Variants in CCDC57 observed in about 807,000 individuals in gnomAD.
The protein encoded by CCDC57 is coiled-coil domain containing 57, also known as coiled-coil domain-containing protein 57.
A neutral mutation model predicts 118.9 loss-of-function variants in CCDC57; 118 were observed. The observed-to-expected ratio is 0.99, with a 90% CI of 0.86 to 1.16. The LOEUF (loss-of-function observed/expected upper bound fraction) is 1.16. Among genes scored for constraint, CCDC57 ranks in the 50% most tolerant of loss-of-function variants. The probability of loss-of-function intolerance (pLI) is 0.00; values close to 1 mark genes in which losing one functional copy is unlikely to be tolerated. For synonymous variants in CCDC57, 527 were observed against 532.9 expected (o/e 0.99, Z 0.15); for missense variants, 1,300 against 1,320.7 (o/e 0.98, Z 0.24).
chr17:82,151,771 GC>G lies in CCDC57; in HGVS notation c.2243del (p.Gly748AlafsTer39). ...CCTCCATAGGCCCTCTCTTGGTGAG[GC>G]CCTGTAACAAAACTCACAGGCAGAC... On this transcript the variant is annotated frameshift_variant and splice_region_variant, in exon 16 of 20. Transcript: ENST00000665763. LOFTEE classifies it high-confidence loss of function. 6.5e-7 allele frequency: 1 copy of G among 1,549,412 alleles called. No homozygotes were observed.
At chr17:82,200,803 A>G (rs901387704) in intron 3 of CCDC57, among the ~76,000 whole-genome samples, 4 of 152,178 alleles carry the variant, frequency 2.6e-5, no homozygotes, top group African/African-American at 9.7e-5. Flanking sequence ...TCAAAAAAAA[A>G]GAAAAGAAAA....
intron 19 of CCDC57, chr17:82,108,844 C>T (rs2035048157): frequency 6.6e-6 from 1 of 152,270 alleles, no homozygotes; most frequent in Non-Finnish European, 1.5e-5. Flanking sequence ...GCCTCGCTTT[C>T]TCCAGGGCAG....
chr17:82,152,557 A>G (rs1478258302), intron 15 of CCDC57, among the ~76,000 whole-genome samples: 2 of 152,262 alleles, frequency 1.3e-5, no homozygotes, highest in Non-Finnish European at 2.9e-5. Context: ...CCAGTGCTAC[A>G]GAGTGCAATC....
At chr17:82,140,211 G>A (rs1181956741) in intron 16 of CCDC57, among the ~76,000 whole-genome samples, 2 of 151,920 alleles carry the variant, frequency 1.3e-5, no homozygotes, top group Admixed American at 6.6e-5. Flanking sequence ...TCAGCCTCCC[G>A]AGTAGCTGGG....
At chr17:82,168,286 G>A (rs1002175706) in intron 13 of CCDC57, among the ~76,000 whole-genome samples, 2 of 152,188 alleles carry the variant, frequency 1.3e-5, no homozygotes, top group Admixed American at 1.3e-4. Context: ...CGCTCTCTCT[G>A]TGTGCTTTCA....
chr17:82,196,103 G>A (rs1407038825), intron 4 of CCDC57, among the ~76,000 whole-genome samples: 2 of 152,144 alleles, frequency 1.3e-5, no homozygotes, highest in African/African-American at 4.8e-5. Context: ...GAATGGCTGC[G>A]CCCTGCCAAC....
At chr17:82,105,549 A>C (rs978777842) in intron 19 of CCDC57, among the ~76,000 whole-genome samples, 1 of 151,758 alleles carries the variant, frequency 6.6e-6, no homozygotes, top group African/African-American at 2.4e-5. Flanking sequence ...GGCCACGCCC[A>C]CCCGTGTCTC....
rs747905466 is a variant in CCDC57, at chr17:82,193,850, T to C, written c.777-20A>G. The C allele has an allele frequency of 1.3e-6, 2 of 1,579,506 alleles. No homozygotes were observed. Reference sequence around the variant, plus strand: ...TTTACCCTGAAAAGAAACAAATATTTATGGAAGGAGCAAGTGAGATGAAAG... The same window carrying C: ...TTTACCCTGAAAAGAAACAAATATTCATGGAAGGAGCAAGTGAGATGAAAG... On this transcript the variant is annotated intron_variant, in intron 6 of 19. Transcript: ENST00000665763.
chr17:82,210,411 C>T (rs2050084858), intron 1 of CCDC57, among the ~76,000 whole-genome samples: 1 of 152,030 alleles, frequency 6.6e-6, no homozygotes, highest in African/African-American at 2.4e-5. Context: ...GTGGCTCAGG[C>T]CTGTAATCCC....
At chr17:82,209,751 T>A (rs1406802172) in intron 1 of CCDC57, among the ~76,000 whole-genome samples, 1 of 152,162 alleles carries the variant, frequency 6.6e-6, no homozygotes, top group East Asian at 1.9e-4. Context: ...CTTCCCAAAG[T>A]GGTGGGACTA....
intron 1 of CCDC57, among the ~76,000 whole-genome samples, chr17:82,211,065 C>G (rs984932026): frequency 4.0e-5 from 6 of 149,424 alleles, no homozygotes; most frequent in African/African-American, 1.5e-4. Context: ...TACATAGTGG[C>G]AAGATATTTC....
chr17:82,195,216 A>G (rs2048155472), intron 5 of CCDC57, 47 bp downstream of exon 4: 1 of 1,424,536 alleles, frequency 7.0e-7, no homozygotes, highest in Non-Finnish European at 9.7e-7. Context: ...ACACCTGACC[A>G]AGGAAAAACC....
chr17:82,148,206 GTAGA>G (rs1237003111), intron 16 of CCDC57, among the ~76,000 whole-genome samples: 2 of 87,388 alleles, frequency 2.3e-5, no homozygotes, highest in Non-Finnish European at 5.2e-5. Flanking sequence ...TGCGTGGATG[GTAGA>G]TGGATGGATG....
intron 17 of CCDC57, among the ~76,000 whole-genome samples, chr17:82,132,905 G>T (rs1426758510): frequency 1.3e-5 from 2 of 151,890 alleles, no homozygotes; most frequent in Non-Finnish European, 2.9e-5. Context: ...GATTACAGGC[G>T]AGTGCCACCA....
Position 82,126,512 on chromosome 17 carries a change from A to G in CCDC57, c.2899+1180T>C, listed in dbSNP as rs968343693. ...TAATACACAAATGGGCAGGTAACTG[A>G]AGAACAGGGAAAGGAAGTGGCTCCT... On this transcript the variant is annotated intron_variant, in intron 19 of 19. Coordinates refer to ENST00000665763, the Ensembl canonical transcript of CCDC57. The G allele has an allele frequency of 1.1e-4, 104 of 979,846 alleles. No homozygotes were observed. In the African/African-American group the frequency reaches 1.7e-3, roughly 16 times the overall value. The allele number at this position is 979,846 out of a possible 1,614,324, so 60.7% of individuals were successfully genotyped here.
rs559988060 is a variant in CCDC57, at chr17:82,177,625, G to A, written c.1506+849C>T. Among the ~76,000 whole-genome samples, 3 of 152,282 alleles carry A rather than the reference G, an allele frequency of 2.0e-5. No individual in the cohort carries two copies. In the South Asian group the frequency reaches 6.2e-4, roughly 32 times the overall value. On this transcript the variant is annotated intron_variant, in intron 11 of 19. Transcript: ENST00000665763. ...ATTCTTCATACCACTTAGGATCTGA[G>A]TCCTAAGTACACTCGGCTGCCTTAA...
intron 19 of CCDC57, among the ~76,000 whole-genome samples, chr17:82,103,041 C>T (rs1414351172): frequency 5.9e-5 from 9 of 152,248 alleles, no homozygotes; most frequent in Admixed American, 2.0e-4. Context: ...GGCAGGTCAG[C>T]GGGCGGCCAA....
At chr17:82,187,461 A>G (rs1043523005) in intron 8 of CCDC57, among the ~76,000 whole-genome samples, 1 of 133,618 alleles carries the variant, frequency 7.5e-6, no homozygotes, top group Non-Finnish European at 1.6e-5. Context: ...CATGATTCCA[A>G]CTTACAGGAG....
intron 17 of CCDC57, among the ~76,000 whole-genome samples, chr17:82,133,057 C>T (rs1225886550): frequency 6.6e-6 from 1 of 152,078 alleles, no homozygotes; most frequent in Non-Finnish European, 1.5e-5. Flanking sequence ...CGCACCTGGC[C>T]ATCTTGCTAT....
Sources: gnomAD v4.1 joint callset for allele counts (sites outside exome capture counted in the v4.1 genomes callset) on GRCh38, gnomAD v4.1.1 for gene constraint, MANE v1.5 for transcripts, NCBI Gene and HGNC (gene_info 2026-07-23, HGNC 2026-07-21) for gene names.